The following UNC5C variants were observed in gnomAD, a reference collection of about 807,000 sequenced individuals.
The protein encoded by UNC5C is netrin receptor UNC5C.
A neutral mutation model predicts 99.8 loss-of-function variants in UNC5C; 47 were observed. The observed-to-expected ratio is 0.47, with a 90% CI of 0.37 to 0.60. The LOEUF (loss-of-function observed/expected upper bound fraction) is 0.60, where lower values mean the gene tolerates loss of function less well. Among genes scored for constraint, UNC5C ranks in the 20% least tolerant of loss-of-function variants. The pLI is 0.00. For missense variants in UNC5C, 1,062 were observed against 1,165.9 expected (o/e 0.91, Z 1.30); for synonymous variants, 487 against 452.2 (o/e 1.08, Z -0.98).
intron 1 of UNC5C, among the ~76,000 whole-genome samples, chr4:95,393,528 T>C (rs893056128): frequency 6.6e-6 from 1 of 152,338 alleles, no homozygotes; most frequent in Admixed American, 6.5e-5. Flanking sequence ...GTAATTCCAC[T>C]TGGCACTCAG....
At chr4:95,474,345 C>T (rs1197110537) in intron 1 of UNC5C, among the ~76,000 whole-genome samples, 1 of 152,076 alleles carries the variant, frequency 6.6e-6, no homozygotes, top group Non-Finnish European at 1.5e-5. Flanking sequence ...GGCTGGAGTA[C>T]AGTGGTGCAA....
Position 95,170,224 on chromosome 4 carries a change from T to C in UNC5C, c.2560A>G (p.Ser854Gly). 6.2e-7 allele frequency: 1 copy of C among 1,614,122 alleles called. No homozygotes were observed. The highest frequency in any genetic ancestry group is 1.7e-5 in the Admixed American group (1 of 60,010). Residue 854 changes from serine (S) to glycine (G), a missense_variant, in exon 15 of 16, where the codon AGC (serine) becomes GGC (glycine). By Grantham distance (56) the Ser-to-Gly change is moderately conservative (BLOSUM62 0). Transcript: ENST00000453304. Reference sequence around the variant, plus strand: ...CTCGTCTGGGGGGCATCCAGGCTGCTACAGAGCTTCTGCCGGATAGGGAGA... The same window carrying C: ...CTCGTCTGGGGGGCATCCAGGCTGCCACAGAGCTTCTGCCGGATAGGGAGA... ...IPLPIRQKLC[S>G]SLDAPQTRGH... is the part of the protein sequence containing the mutation.
chr4:95,191,084 C>CTT (rs1560722812), intron 12 of UNC5C, among the ~76,000 whole-genome samples: 1 of 152,158 alleles, frequency 6.6e-6, no homozygotes, highest in Non-Finnish European at 1.5e-5. Flanking sequence ...CTCCCAGGCT[C>CTT]TTAGATGAGA....
intron 1 of UNC5C, 64 bp from the exon 2 acceptor site, chr4:95,335,695 A>G (rs1743311858): frequency 1.5e-6 from 2 of 1,325,942 alleles, no homozygotes; most frequent in Admixed American, 4.6e-5. Context: ...TCTACTTGCT[A>G]GTCATGTAAA....
intron 12 of UNC5C, among the ~76,000 whole-genome samples, chr4:95,188,608 A>G (rs1736930386): frequency 6.6e-6 from 1 of 152,216 alleles, no homozygotes; most frequent in African/African-American, 2.4e-5. Context: ...TGCAACTTGT[A>G]TTTCACACTG....
chr4:95,368,849 A>G (rs1286474891), intron 1 of UNC5C, among the ~76,000 whole-genome samples: 3 of 152,132 alleles, frequency 2.0e-5, no homozygotes, highest in African/African-American at 7.2e-5. Context: ...TATTGAGGAT[A>G]TATTTTACAT....
chr4:95,353,366 A>G (rs751752963), intron 1 of UNC5C, among the ~76,000 whole-genome samples: 5 of 152,040 alleles, frequency 3.3e-5, no homozygotes, highest in Non-Finnish European at 7.4e-5. Flanking sequence ...AAATTAAATT[A>G]CCTGAATATA....
intron 2 of UNC5C, among the ~76,000 whole-genome samples, chr4:95,334,232 T>C (rs1279467237): frequency 2.6e-5 from 4 of 152,052 alleles, no homozygotes; most frequent in South Asian, 2.1e-4. Context: ...TTGTCGGAGA[T>C]CTTGAAAGTA....
chr4:95,232,838 T>C (rs1201778146), intron 7 of UNC5C, among the ~76,000 whole-genome samples: 6 of 143,820 alleles, frequency 4.2e-5, no homozygotes, highest in African/African-American at 1.5e-4. Flanking sequence ...ATTTGCCAGC[T>C]GGGACGCTAC....
intron 14 of UNC5C, among the ~76,000 whole-genome samples, chr4:95,180,757 A>AT (rs1199209918): frequency 6.6e-6 from 1 of 152,148 alleles, no homozygotes; most frequent in African/African-American, 2.4e-5. Context: ...GGGGCAGCAC[A>AT]TTTCTGGCAA....
At position 95,168,478 on chromosome 4, in the gene UNC5C, C is replaced by T. The variant is rs1328627388; in HGVS notation, c.*756G>A. The T allele has an allele frequency of 6.6e-6, 1 of 152,478 alleles. No individual in the cohort carries two copies. Among genetic ancestry groups the T allele is most frequent in the Non-Finnish European group, 1.5e-5 (1 of 68,018 alleles). 9.4% of individuals were successfully genotyped at this position (152,478 alleles called of 1,614,324 possible). On this transcript the variant is annotated 3_prime_UTR_variant, in exon 16 of 16. Coordinates refer to ENST00000453304, the MANE Select transcript of UNC5C (RefSeq NM_003728.4). Reference sequence around the variant, plus strand: ...CTTCATATTGCATATTACAAACAAACACACATGTTGTGAAAAAAATGCTTG... The same window carrying T: ...CTTCATATTGCATATTACAAACAAATACACATGTTGTGAAAAAAATGCTTG...
chr4:95,417,917 G>T (rs1746213036), intron 1 of UNC5C, among the ~76,000 whole-genome samples: 1 of 152,026 alleles, frequency 6.6e-6, no homozygotes, highest in Non-Finnish European at 1.5e-5. Context: ...TTCCTTTCCT[G>T]CACCTTTACT....
chr4:95,213,393 G>A (rs930764532), intron 10 of UNC5C, among the ~76,000 whole-genome samples: 3 of 152,318 alleles, frequency 2.0e-5, no homozygotes, highest in South Asian at 2.1e-4. Flanking sequence ...AGGCGTCGCC[G>A]CCTTTCCAGA....
At chr4:95,317,215 A>C (rs1216684517) in intron 2 of UNC5C, among the ~76,000 whole-genome samples, 1 of 152,156 alleles carries the variant, frequency 6.6e-6, no homozygotes, top group Non-Finnish European at 1.5e-5. Context: ...GCGCTCATGC[A>C]AAATTGAAGC....
chr4:95,466,262 G>A (rs1211887319), intron 1 of UNC5C, among the ~76,000 whole-genome samples: 1 of 152,078 alleles, frequency 6.6e-6, no homozygotes, highest in African/African-American at 2.4e-5. Flanking sequence ...GTCATAGTTT[G>A]GGGATACTGC....
At chr4:95,174,039 G>C (rs554823477) in intron 14 of UNC5C, among the ~76,000 whole-genome samples, 2 of 152,216 alleles carry the variant, frequency 1.3e-5, no homozygotes, top group African/African-American at 4.8e-5. Flanking sequence ...AGAGGTGTTT[G>C]TAGTATTCTC....
rs574469819 is a variant in UNC5C at position 95,190,510 on chromosome 4, G to A, written c.2137-5314C>T. 2.1e-3 allele frequency among the ~76,000 whole-genome samples: 320 copies of A among 151,240 alleles called. 1 individual carries two copies. The highest frequency in any genetic ancestry group is 7.3e-3 in the African/African-American group (303 of 41,246). On this transcript the variant is annotated intron_variant, in intron 12 of 15. Transcript: ENST00000453304. The stretch of plus-strand genomic sequence containing the variant: ...AGAATAAAAAAATTTTTTTTTTGTC[G>A]GGACAAAGTCTTGCCTTGTTGCTCC...
intron 1 of UNC5C, among the ~76,000 whole-genome samples, chr4:95,390,068 C>T (rs1429822395): frequency 4.6e-5 from 7 of 152,098 alleles, no homozygotes; most frequent in Middle Eastern, 6.8e-3. Flanking sequence ...CATTATTTTT[C>T]GATCATAATC....
At chr4:95,207,265 A>C (rs1156858199) in intron 10 of UNC5C, among the ~76,000 whole-genome samples, 1 of 152,188 alleles carries the variant, frequency 6.6e-6, no homozygotes, top group African/African-American at 2.4e-5. Context: ...ACACTCTAGA[A>C]CTAAACTTAG....
Sources: allele counts gnomAD v4.1 joint callset (sites outside exome capture counted in the v4.1 genomes callset), GRCh38; gene constraint gnomAD v4.1.1; transcripts MANE v1.5; gene names NCBI Gene and HGNC (gene_info 2026-07-23, HGNC 2026-07-21).